CACNA1E: variants seen among roughly 807,000 people sequenced by gnomAD.
The protein encoded by CACNA1E is voltage-dependent R-type calcium channel subunit alpha-1E.
In CACNA1E, 40 loss-of-function variants were observed where a neutral mutation model predicts 259.2. That is an observed-to-expected ratio of 0.15 (90% CI 0.12 to 0.20). CACNA1E has a LOEUF of 0.20. CACNA1E is among the 10% of genes least tolerant of loss of function. The pLI is 1.00. For synonymous variants in CACNA1E, 1,104 were observed against 1,138.5 expected, an observed-to-expected ratio of 0.97 and a Z score of 0.61; for missense variants, 1,874 against 3,040.1, an observed-to-expected ratio of 0.62 and a Z score of 9.02.
At position 181,485,461 on chromosome 1, in the gene CACNA1E, C is replaced by A. The variant is rs1053946006; in HGVS notation, c.266+1451C>A. 6.6e-6 allele frequency among the ~76,000 whole-genome samples: 1 copy of A among 152,180 alleles called. No homozygotes were observed. The highest frequency in any genetic ancestry group is 1.5e-5 in the Non-Finnish European group (1 of 68,026). On this transcript the variant is annotated intron_variant, in intron 1 of 47. Coordinates refer to ENST00000367573, the MANE Select transcript of CACNA1E (RefSeq NM_001205293.3). The surrounding 1 kb of genome is among the most constrained non-coding windows in gnomAD (Gnocchi z 4.2). The stretch of plus-strand genomic sequence containing the variant: ...GAGCATCTCTAAGCAGATATTCTTC[C>A]TGCTGCTGTTCGCATCCTCCCACAG...
chr1:181,738,768 C>T (rs995805262), intron 24 of CACNA1E, among the ~76,000 whole-genome samples: 2 of 152,232 alleles, frequency 1.3e-5, no homozygotes, highest in East Asian at 3.8e-4. Flanking sequence ...AGAGATGAGT[C>T]TTCCTGGGCT....
intron 1 of CACNA1E, among the ~76,000 whole-genome samples, chr1:181,351,066 C>A (rs1281720505): frequency 6.6e-6 from 1 of 152,212 alleles, no homozygotes; most frequent in African/African-American, 2.4e-5. Context: ...TAGGAAAAGA[C>A]CCTTTCAGAG....
At chr1:181,708,851 A>G (rs1336232955) in intron 7 of CACNA1E, among the ~76,000 whole-genome samples, 2 of 152,246 alleles carry the variant, frequency 1.3e-5, no homozygotes, top group East Asian at 3.9e-4. Context: ...TGTGCTCTAC[A>G]CATGTTACTT....
chr1:181,637,218 G>T (rs1057437948), intron 6 of CACNA1E, among the ~76,000 whole-genome samples: 1 of 152,178 alleles, frequency 6.6e-6, no homozygotes, highest in African/African-American at 2.4e-5. Flanking sequence ...AAGAGTGATA[G>T]AAACTTTCTT....
chr1:181,444,723 C>T (rs1286599682), intron 2 of CACNA1E, among the ~76,000 whole-genome samples: 1 of 152,156 alleles, frequency 6.6e-6, no homozygotes, highest in African/African-American at 2.4e-5. Context: ...AGTTTTAGGT[C>T]ATCTGCTGAT....
At position 181,659,104 on chromosome 1, in the gene CACNA1E, T is replaced by C. The variant is rs143629619; in HGVS notation, c.1055+7663T>C. 6.8e-3 allele frequency among the ~76,000 whole-genome samples: 1,042 copies of C among 152,238 alleles called. 4 individuals are homozygous for C. The highest frequency in any genetic ancestry group is 0.02 in the Middle Eastern group (6 of 294). On this transcript the variant is annotated intron_variant, in intron 7 of 47. Coordinates refer to ENST00000367573, the MANE Select transcript of CACNA1E (RefSeq NM_001205293.3). Reference sequence around the variant, plus strand: ...GTGACCTGCAGGCAGCTGAATGTTATGTACCAAGGCTGTTCCCAGAGCAGA... The same window carrying C: ...GTGACCTGCAGGCAGCTGAATGTTACGTACCAAGGCTGTTCCCAGAGCAGA...
intron 6 of CACNA1E, among the ~76,000 whole-genome samples, chr1:181,590,597 C>T (rs1020147503): frequency 7.9e-5 from 12 of 152,092 alleles, no homozygotes; most frequent in African/African-American, 2.9e-4. Flanking sequence ...CTCAGCTTCT[C>T]CTAGTGCCCC....
At chr1:181,673,318 A>G (rs1315518322) in intron 7 of CACNA1E, among the ~76,000 whole-genome samples, 2 of 152,154 alleles carry the variant, frequency 1.3e-5, no homozygotes, top group Non-Finnish European at 2.9e-5. Context: ...TGTGGACTTA[A>G]CAGTGCCTGG....
chr1:181,554,459 A>G (rs1459485862), intron 3 of CACNA1E, among the ~76,000 whole-genome samples: 1 of 152,236 alleles, frequency 6.6e-6, no homozygotes, highest in Non-Finnish European at 1.5e-5. Context: ...AGGGTACCAT[A>G]TCTTTAGCAT....
intron 25 of CACNA1E, among the ~76,000 whole-genome samples, chr1:181,749,832 A>C (rs1391755735): frequency 6.6e-6 from 1 of 152,236 alleles, no homozygotes; most frequent in Non-Finnish European, 1.5e-5. Flanking sequence ...TTAATTTATC[A>C]AAAGGCAAAC....
rs116654602 is a variant in CACNA1E, at chr1:181,455,128, A to G, written c.435-28616A>G. Among the ~76,000 whole-genome samples, 565 of 152,306 alleles carry G rather than the reference A, an allele frequency of 3.7e-3. 1 individual carries two copies. Among genetic ancestry groups the G allele is most frequent in the Non-Finnish European group, 5.9e-3 (402 of 68,028 alleles). On this transcript the variant is annotated intron_variant, in intron 2 of 11. Transcript: ENST00000524607. Reference sequence around the variant, plus strand: ...TTAGTGCTAAAATGCCCTTTCTTTTATGAGATGTTGGAGCATAAATAGTGG... The same window carrying G: ...TTAGTGCTAAAATGCCCTTTCTTTTGTGAGATGTTGGAGCATAAATAGTGG...
intron 1 of CACNA1E, among the ~76,000 whole-genome samples, chr1:181,487,513 A>G (rs1427957160): frequency 6.6e-6 from 1 of 152,234 alleles, no homozygotes; most frequent in Non-Finnish European, 1.5e-5. Flanking sequence ...TTATTTTCTT[A>G]TGGCACTTTC....
rs1662478283 is a variant in CACNA1E at position 181,804,223 on chromosome 1, A to G, written c.*5389A>G. ...CAGACCTATTCTGGAATAGCAAAGA[A>G]GGATACCTTGGTGATCTGCAATGTT... On this transcript the variant is annotated 3_prime_UTR_variant, in exon 48 of 48. Coordinates refer to ENST00000367573, the MANE Select transcript of CACNA1E (RefSeq NM_001205293.3). The G allele has an allele frequency of 1.3e-5, 2 of 152,196 alleles. No individual in the cohort carries two copies. The highest frequency in any genetic ancestry group is 4.8e-5 in the African/African-American group (2 of 41,440). The allele number at this position is 152,196 out of a possible 1,614,324, so 9.4% of individuals were successfully genotyped here.
chr1:181,772,454 TC>T (rs1297819797), intron 37 of CACNA1E, among the ~76,000 whole-genome samples: 2 of 152,180 alleles, frequency 1.3e-5, no homozygotes, highest in Non-Finnish European at 2.9e-5. Context: ...CCTGTCAGAC[TC>T]CTGGATGGGT....
In CACNA1E at chr1:181,710,973, G is replaced by C; in HGVS notation, c.1075G>C (p.Glu359Gln). ...VLSGEFAKER[E>Q]RVENRRAFMK... is the part of the protein sequence containing the mutation. Reference sequence around the variant, plus strand: ...CCACAGGGAATTTGCCAAAGAGAGAGAGAGAGTGGAGAACCGAAGGGCTTT... The same window carrying C: ...CCACAGGGAATTTGCCAAAGAGAGACAGAGAGTGGAGAACCGAAGGGCTTT... Residue 359 changes from glutamate (E) to glutamine (Q), a missense_variant, in exon 8 of 48, where the codon GAG becomes CAG. By Grantham distance (29) the Glu-to-Gln change is conservative. Around this residue, in one of 14 missense-constraint regions of CACNA1E, gnomAD observed 157 missense variants for 203.5 expected, o/e 0.77. Coordinates refer to ENST00000367573, the MANE Select transcript of CACNA1E (RefSeq NM_001205293.3). 1 of 1,613,532 alleles carries C rather than the reference G, an allele frequency of 6.2e-7. No individual in the cohort carries two copies. The highest frequency in any genetic ancestry group is 2.2e-5 in the East Asian group (1 of 44,886).
At chr1:181,424,818 G>A (rs1207439496) in intron 2 of CACNA1E, among the ~76,000 whole-genome samples, 2 of 152,060 alleles carry the variant, frequency 1.3e-5, no homozygotes. Context: ...TGCTCAAGCC[G>A]GATCGGCCCG....
At chr1:181,705,469 C>T (rs1258972302) in intron 7 of CACNA1E, among the ~76,000 whole-genome samples, 2 of 152,186 alleles carry the variant, frequency 1.3e-5, no homozygotes, top group South Asian at 2.1e-4. Context: ...CAAAGAGATC[C>T]ACCTTGTTCT....
intron 1 of CACNA1E, among the ~76,000 whole-genome samples, chr1:181,398,891 A>G (rs1177216468): frequency 2.0e-5 from 3 of 152,224 alleles, no homozygotes; most frequent in African/African-American, 7.2e-5. Context: ...GCTTGAATCA[A>G]AAGGCAAAAG....
chr1:181,468,282 G>T (rs1307464485), intron 2 of CACNA1E, among the ~76,000 whole-genome samples: 1 of 152,180 alleles, frequency 6.6e-6, no homozygotes, highest in Non-Finnish European at 1.5e-5. Context: ...TTGGGTCATT[G>T]GTCTTGTCAT....
Sources: allele counts gnomAD v4.1 joint callset (sites outside exome capture counted in the v4.1 genomes callset), GRCh38; gene constraint gnomAD v4.1.1; regional missense constraint gnomAD v4.1.1; non-coding constraint Gnocchi (gnomAD v3.1); transcripts MANE v1.5; gene names NCBI Gene and HGNC (gene_info 2026-07-23, HGNC 2026-07-21).